Variants in CEMIP2 observed in about 807,000 individuals in gnomAD.
The protein encoded by CEMIP2 is cell migration inducing hyaluronidase 2, also known as cell surface hyaluronidase CEMIP2.
In CEMIP2, 79 loss-of-function variants were observed where a neutral mutation model predicts 146.9. The ratio of observed to expected loss-of-function variants is 0.54; its 90% CI spans 0.45 to 0.65. The LOEUF (loss-of-function observed/expected upper bound fraction) is 0.65. Among genes scored for constraint, CEMIP2 ranks in the 30% least tolerant of loss-of-function variants. The pLI, the probability that CEMIP2 is intolerant of heterozygous loss-of-function variation, is 0.00. For missense variants in CEMIP2, 1,596 were observed against 1,696.2 expected, an observed-to-expected ratio of 0.94 and a Z score of 1.04; for synonymous variants, 601 against 606.3, an observed-to-expected ratio of 0.99 and a Z score of 0.13.
chr9:71,692,648 C>T (rs372512227), intron 21 of CEMIP2, among the ~76,000 whole-genome samples: 1 of 152,088 alleles, frequency 6.6e-6, no homozygotes, highest in South Asian at 2.1e-4. Flanking sequence ...GTGGCTCACA[C>T]CTGTAATCCC....
At chr9:71,712,524 G>T in intron 15 of CEMIP2, 1 of 322,600 alleles carries the variant, frequency 3.1e-6, no homozygotes, top group Non-Finnish European at 5.6e-6. Context: ...TGGGGAGAAA[G>T]ATGCTATTTT....
intron 1 of CEMIP2, among the ~76,000 whole-genome samples, chr9:71,755,009 T>C (rs78073667): frequency 0.013 from 1,969 of 152,250 alleles, 33 homozygotes; most frequent in Middle Eastern, 0.034. Context: ...CTCACTGTTA[T>C]TTTAAATTAA....
At chr9:71,769,193 A>G (rs958374597), upstream of CEMIP2, among the ~76,000 whole-genome samples, 5 of 152,130 alleles carry the variant, frequency 3.3e-5, no homozygotes, top group African/African-American at 1.2e-4. Context: ...ACCCCCAGAT[A>G]AGGCTGGTAC....
At chr9:71,690,738 A>AAAT (rs1822204340) in intron 21 of CEMIP2, among the ~76,000 whole-genome samples, 1 of 152,228 alleles carries the variant, frequency 6.6e-6, no homozygotes, top group African/African-American at 2.4e-5. Flanking sequence ...AGTTTGCTAC[A>AAAT]AATAATAGCT....
chr9:71,692,297 A>ATT (rs10683724), intron 21 of CEMIP2, among the ~76,000 whole-genome samples: 10,710 of 78,862 alleles, frequency 0.14, 2,314 homozygotes, highest in African/African-American at 0.39. Flanking sequence ...CCTGCCTGAT[A>ATT]TTTTTTTTTT....
chr9:71,711,020 G>T (rs561471036), intron 16 of CEMIP2, among the ~76,000 whole-genome samples: 27 of 152,260 alleles, frequency 1.8e-4, no homozygotes, highest in Non-Finnish European at 2.5e-4. Context: ...TCCCAGGTGT[G>T]GCTGCCTGTG....
chr9:71,684,393 A>AAAACC lies in CEMIP2; in HGVS notation c.*803_*804insGGTTT, dbSNP rs1821994075. On this transcript the variant is annotated 3_prime_UTR_variant, in exon 24 of 24. Transcript: ENST00000377044. ...CCTACTTCTTAAAACAAAACAAAAC[A>AAAACC]AAACAAAAAAGGAAATATTCAGTTG... 6.5e-6 allele frequency: 1 copy of AAAACC among 152,686 alleles called. No individual in the cohort carries two copies. Among genetic ancestry groups the AAAACC allele is most frequent in the African/African-American group, 2.4e-5 (1 of 41,462 alleles). The allele number at this position is 152,686 out of a possible 1,614,324, so 9.5% of individuals were successfully genotyped here.
At chr9:71,740,542 A>G (rs1823884408) in intron 4 of CEMIP2, among the ~76,000 whole-genome samples, 2 of 152,178 alleles carry the variant, frequency 1.3e-5, no homozygotes, top group Admixed American at 6.5e-5. Flanking sequence ...ATTCTGGCCA[A>G]AATCCATTTA....
intron 4 of CEMIP2, among the ~76,000 whole-genome samples, chr9:71,742,727 AG>A (rs1482154820): frequency 6.6e-6 from 1 of 152,240 alleles, no homozygotes; most frequent in Non-Finnish European, 1.5e-5. Context: ...GAAACAAAGT[AG>A]GTATCTAACT....
At chr9:71,758,762 C>T (rs539005257) in intron 1 of CEMIP2, among the ~76,000 whole-genome samples, 1 of 152,290 alleles carries the variant, frequency 6.6e-6, no homozygotes, top group South Asian at 2.1e-4. Flanking sequence ...CTTCTGTTTG[C>T]TGCTGTTTGC....
At chr9:71,764,537 T>A (rs1824730763) in intron 1 of CEMIP2, among the ~76,000 whole-genome samples, 1 of 152,130 alleles carries the variant, frequency 6.6e-6, no homozygotes, top group Non-Finnish European at 1.5e-5. Context: ...CCAACTTCCT[T>A]GTTTTAATAT....
rs1447490624 is a variant in CEMIP2 at position 71,725,617 on chromosome 9, AC to A, written c.2141del (p.Gly714ValfsTer60). On this transcript the variant is annotated frameshift_variant, in exon 11 of 24. Transcript: ENST00000377044. LOFTEE classifies it high-confidence loss of function. ...AATGGACCCTGTTGTTATAAAATAT[AC>A]CCAATGGAGTGAGTTCTGGTTTTGC... ...LLAKPELTPL[G>X]IFYNNRVHSN... 53 of 1,613,922 alleles carry A rather than the reference AC, an allele frequency of 3.3e-5. No individual in the cohort carries two copies. Among genetic ancestry groups the A allele is most frequent in the Non-Finnish European group, 4.3e-5 (51 of 1,179,970 alleles).
At position 71,730,035 on chromosome 9, in the gene CEMIP2, G is replaced by T. The variant is rs372208026; in HGVS notation, c.1979+13C>A. ...CCCTGACTCATGGGTTTTTCTCTCC[G>T]CCAATTACTCACATACAGTCAGTAG... On this transcript the variant is annotated intron_variant, in intron 9 of 23. Coordinates refer to ENST00000377044, the MANE Select transcript of CEMIP2 (RefSeq NM_013390.3). 6.2e-6 allele frequency: 10 copies of T among 1,613,808 alleles called. No individual in the cohort carries two copies. Among genetic ancestry groups the T allele is most frequent in the East Asian group, 2.2e-5 (1 of 44,894 alleles).
intron 1 of CEMIP2, among the ~76,000 whole-genome samples, chr9:71,767,846 G>T (rs1385003829): frequency 6.6e-6 from 1 of 152,178 alleles, no homozygotes; most frequent in Non-Finnish European, 1.5e-5. Context: ...CACCAACCCA[G>T]GGGAATTGTA....
At chr9:71,718,203 A>G in intron 12 of CEMIP2, 124 bp from the exon 13 acceptor site, 1 of 918,444 alleles carries the variant, frequency 1.1e-6, no homozygotes, top group Non-Finnish European at 1.5e-6. Flanking sequence ...AATTCTTAAG[A>G]TACAACTTAC....
intron 15 of CEMIP2, among the ~76,000 whole-genome samples, chr9:71,713,187 G>A (rs1822956002): frequency 6.6e-6 from 1 of 152,164 alleles, no homozygotes; most frequent in African/African-American, 2.4e-5. Context: ...TGTTGTGGGA[G>A]GGACCCAGCG....
In CEMIP2 at chr9:71,762,503, C is replaced by CAAAAAAAAAAAAAAA. The variant is rs58090104; in HGVS notation, c.-13+5839_-13+5853dup. Among the ~76,000 whole-genome samples, 74 of 79,736 alleles carry CAAAAAAAAAAAAAAA rather than the reference C, an allele frequency of 9.3e-4. 6 individuals carry two copies. Among genetic ancestry groups the CAAAAAAAAAAAAAAA allele is most frequent in the African/African-American group, 3.6e-3 (70 of 19,350 alleles). The allele number at this position is 79,736 out of a possible 152,430, so 52.3% of individuals were successfully genotyped here. On this transcript the variant is annotated intron_variant, in intron 1 of 23. Coordinates refer to ENST00000377044, the MANE Select transcript of CEMIP2 (RefSeq NM_013390.3). ...CAAGACCCCATGCCAGCCCCGTCAC[C>CAAAAAAAAAAAAAAA]AAAAAAAAAAAAAAAAAAAAAAACT...
intron 4 of CEMIP2, among the ~76,000 whole-genome samples, chr9:71,742,299 T>C (rs1823945176): frequency 6.6e-6 from 1 of 152,210 alleles, no homozygotes; most frequent in Non-Finnish European, 1.5e-5. Flanking sequence ...TGTCTCAATA[T>C]ATTATCTCCT....
In CEMIP2 at chr9:71,684,611, G is replaced by A; in HGVS notation, c.*586C>T. 6.5e-6 allele frequency: 1 copy of A among 152,678 alleles called. No individual in the cohort carries two copies. Among genetic ancestry groups the A allele is most frequent in the Non-Finnish European group, 1.5e-5 (1 of 68,020 alleles). 9.5% of individuals were successfully genotyped at this position (152,678 alleles called of 1,614,324 possible). ...CTGTTTGAAAGTTTAACCCTTACAA[G>A]TAATTGATATATAAGTGAATAAAAA... On this transcript the variant is annotated 3_prime_UTR_variant, in exon 24 of 24. Transcript: ENST00000377044.
Sources: gnomAD v4.1 joint callset for allele counts (sites outside exome capture counted in the v4.1 genomes callset) on GRCh38, gnomAD v4.1.1 for gene constraint, MANE v1.5 for transcripts, NCBI Gene and HGNC (gene_info 2026-07-23, HGNC 2026-07-21) for gene names.